The following AFF1 variants were observed in gnomAD, a reference collection of about 807,000 sequenced individuals.
The protein encoded by AFF1 is ALF transcription elongation factor 1, also known as AF4/FMR2 family member 1.
In AFF1, 48 loss-of-function variants were observed where a neutral mutation model predicts 121.7. The ratio of observed to expected loss-of-function variants is 0.39; its 90% CI spans 0.31 to 0.50. The LOEUF (loss-of-function observed/expected upper bound fraction) is 0.50. Among genes scored for constraint, AFF1 ranks in the 20% least tolerant of loss-of-function variants. The pLI, the probability that AFF1 is intolerant of heterozygous loss-of-function variation, is 0.76. For synonymous variants in AFF1, 613 were observed against 563.0 expected (o/e 1.09, Z -1.26); for missense variants, 1,523 against 1,511.7 (o/e 1.01, Z -0.12).
At chr4:87,127,790 A>G (rs1560658565) in intron 16 of AFF1, 87 bp downstream of exon 16, 2 of 1,350,030 alleles carry the variant, frequency 1.5e-6, no homozygotes, top group Non-Finnish European at 1.1e-6. Context: ...TGTATTCCAT[A>G]TCACTCAGCG....
intron 2 of AFF1, chr4:87,020,886 C>A: frequency 1.1e-6 from 1 of 935,122 alleles, no homozygotes; most frequent in Non-Finnish European, 1.3e-6. Flanking sequence ...CAGAAGGTTT[C>A]TTTGAGTATA....
rs1578024763 is a variant in AFF1 at position 86,998,648 on chromosome 4, T to A, written c.39-47518T>A. Among the ~76,000 whole-genome samples the A allele has an allele frequency of 2.0e-5, 3 of 152,092 alleles. No individual in the cohort carries two copies. The East Asian group carries it at 5.8e-4, about 29-fold the overall frequency. On this transcript the variant is annotated intron_variant, in intron 2 of 20. Coordinates refer to ENST00000395146, the MANE Select transcript of AFF1 (RefSeq NM_001166693.3). ...ACCTGTTTTTTTTTCCTTTTAAAAATTATTGTATTTTGTACCTGCTTTTTT... is the reference window on the plus strand; with the variant it reads ...ACCTGTTTTTTTTTCCTTTTAAAAAATATTGTATTTTGTACCTGCTTTTTT...
intron 8 of AFF1, among the ~76,000 whole-genome samples, chr4:87,101,377 C>G (rs1725415486): frequency 6.6e-6 from 1 of 152,028 alleles, no homozygotes; most frequent in Admixed American, 6.6e-5. Flanking sequence ...AGTTTGAGAC[C>G]AGCCTGTGCA....
chr4:87,050,842 A>G (rs1403028774), intron 4 of AFF1, among the ~76,000 whole-genome samples: 4 of 152,216 alleles, frequency 2.6e-5, no homozygotes, highest in Admixed American at 6.5e-5. Context: ...GACCTGCCCA[A>G]TTGGAAGATT....
At position 87,111,132 on chromosome 4, in the gene AFF1, C is replaced by T. The variant is rs369966351; in HGVS notation, c.1533+2817C>T. Among the ~76,000 whole-genome samples the T allele has an allele frequency of 5.3e-3, 396 of 74,288 alleles. 1 individual carries two copies. The highest frequency in any genetic ancestry group is 6.7e-3 in the Non-Finnish European group (228 of 33,922). 48.7% of individuals were successfully genotyped at this position (74,288 alleles called of 152,430 possible). ...ACGCCATTCTCCTGCCTCAGCCTCC[C>T]GAGTAGCTGGGACTACAGGCGCCCG... On this transcript the variant is annotated intron_variant, in intron 11 of 20. Coordinates refer to ENST00000395146, the MANE Select transcript of AFF1 (RefSeq NM_001166693.3).
At chr4:87,131,911 C>A in intron 18 of AFF1, 47 bp downstream of exon 18, 1 of 1,416,782 alleles carries the variant, frequency 7.1e-7, no homozygotes, top group South Asian at 1.4e-5. Flanking sequence ...GTTTTTGCAT[C>A]TGTTGATGTT....
chr4:87,116,385 T>A (rs1018419376), intron 12 of AFF1, among the ~76,000 whole-genome samples: 1 of 152,148 alleles, frequency 6.6e-6, no homozygotes, highest in Non-Finnish European at 1.5e-5. Context: ...GATGAAAGAT[T>A]AGTGAGTTTT....
intron 2 of AFF1, among the ~76,000 whole-genome samples, chr4:86,982,375 GA>G (rs995378843): frequency 2.5e-5 from 2 of 78,964 alleles, no homozygotes; most frequent in African/African-American, 4.3e-5. Context: ...GCTGTTCAAA[GA>G]AAAAAAATTG....
At chr4:87,052,370 G>A (rs1432801511) in intron 4 of AFF1, among the ~76,000 whole-genome samples, 5 of 152,266 alleles carry the variant, frequency 3.3e-5, no homozygotes, top group South Asian at 2.1e-4. Context: ...TTGAGATACT[G>A]CCACTGAACT....
intron 19 of AFF1, among the ~76,000 whole-genome samples, chr4:87,133,421 G>C (rs7671962): frequency 0.015 from 2,221 of 152,262 alleles, 54 homozygotes; most frequent in African/African-American, 0.051. Context: ...CAAAAGAAGA[G>C]ACTCCCATAT....
intron 2 of AFF1, among the ~76,000 whole-genome samples, chr4:86,951,699 T>C (rs1433951888): frequency 1.4e-5 from 2 of 139,846 alleles, no homozygotes; most frequent in Admixed American, 7.8e-5. Context: ...CTTGGCTCAC[T>C]ACAACCTCCA....
intron 4 of AFF1, among the ~76,000 whole-genome samples, chr4:87,083,639 T>C (rs1171185386): frequency 6.7e-6 from 1 of 149,184 alleles, no homozygotes; most frequent in East Asian, 2.0e-4. Context: ...TTTACTAATA[T>C]ACTAATTTTC....
chr4:87,036,837 T>TCCCCCCCCCCCC (rs757984901), intron 2 of AFF1: 1 of 475,366 alleles, frequency 2.1e-6, no homozygotes, highest in Non-Finnish European at 4.1e-6. Flanking sequence ...CCCTCCCCCA[T>TCCCCCCCCCCCC]CCCCCCTTTT....
chr4:86,972,550 T>A (rs1055886693), intron 2 of AFF1, among the ~76,000 whole-genome samples: 1 of 152,212 alleles, frequency 6.6e-6, no homozygotes, highest in African/African-American at 2.4e-5. Flanking sequence ...TATTTTAATT[T>A]ATCTTGAGAC....
chr4:87,121,615 A>C (rs978544896), intron 12 of AFF1, among the ~76,000 whole-genome samples: 2 of 152,208 alleles, frequency 1.3e-5, no homozygotes, highest in Non-Finnish European at 2.9e-5. Flanking sequence ...CGCTGGCTTG[A>C]TCTCAACAGT....
chr4:87,111,098 C>A lies in AFF1; in HGVS notation c.1533+2783C>A, dbSNP rs1470217083. Among the ~76,000 whole-genome samples, 7 of 84,266 alleles carry A rather than the reference C, an allele frequency of 8.3e-5. 2 individuals are homozygous for A. The highest frequency in any genetic ancestry group is 1.6e-4 in the African/African-American group (4 of 24,446). 55.3% of individuals were successfully genotyped at this position (84,266 alleles called of 152,430 possible). ...TCTCGGCTCACTGCAAGCTCCGCCT[C>A]CCGGGTTCACGCCATTCTCCTGCCT... On this transcript the variant is annotated intron_variant, in intron 11 of 20. Coordinates refer to ENST00000395146, the MANE Select transcript of AFF1 (RefSeq NM_001166693.3).
intron 1 of AFF1, among the ~76,000 whole-genome samples, chr4:86,945,497 ATTTTTTTTTTTTTT>A (rs34305215): frequency 1.2e-5 from 1 of 86,630 alleles, no homozygotes; most frequent in Non-Finnish European, 2.0e-5. Flanking sequence ...GCCTTTCCCA[ATTTTTTTTTTTTTT>A]TTTTTTTTTT....
At chr4:86,996,290 A>G (rs1256710310) in intron 2 of AFF1, among the ~76,000 whole-genome samples, 6 of 152,136 alleles carry the variant, frequency 3.9e-5, no homozygotes. Flanking sequence ...AAAGGGGGGA[A>G]AGGTGGGGAA....
At chr4:86,973,476 T>C (rs768624356) in intron 2 of AFF1, among the ~76,000 whole-genome samples, 21 of 152,202 alleles carry the variant, frequency 1.4e-4, no homozygotes, top group Non-Finnish European at 7.3e-5. Flanking sequence ...CTTAAATTAC[T>C]ACACCCCTTA....
Sources: allele counts gnomAD v4.1 joint callset (sites outside exome capture counted in the v4.1 genomes callset), GRCh38; gene constraint gnomAD v4.1.1; transcripts MANE v1.5; gene names NCBI Gene and HGNC (gene_info 2026-07-23, HGNC 2026-07-21).